KDM4B: variants seen among roughly 807,000 people sequenced by gnomAD.
The protein encoded by KDM4B is lysine demethylase 4B, also known as lysine-specific demethylase 4B.
Under a neutral mutation model 125.2 loss-of-function variants are expected in KDM4B, and 32 were observed. That is an observed-to-expected ratio of 0.26 (90% CI 0.19 to 0.34). The LOEUF is 0.34. KDM4B is among the 10% of genes least tolerant of loss of function. KDM4B has a pLI of 1.00. For missense variants in KDM4B, 1,190 were observed against 1,577.7 expected (o/e 0.75, Z 4.16); for synonymous variants, 721 against 677.9 (o/e 1.06, Z -0.99).
chr19:5,121,563 A>G (rs1157501336), intron 11 of KDM4B, among the ~76,000 whole-genome samples: 2 of 152,208 alleles, frequency 1.3e-5, no homozygotes, highest in African/African-American at 4.8e-5. Flanking sequence ...CTCGCAGCAA[A>G]CATGGCTCCC....
intron 22 of KDM4B, 64 bp from the exon 23 acceptor site, chr19:5,151,267 TAGAC>T: frequency 7.6e-7 from 1 of 1,310,588 alleles, no homozygotes; most frequent in East Asian, 3.0e-5. Context: ...TCAGAGGCCA[TAGAC>T]AGTGGCTGGG....
rs558885092 is a variant in KDM4B at position 5,042,722 on chromosome 19, G to A, written c.432+1471G>A. 6.6e-5 allele frequency among the ~76,000 whole-genome samples: 10 copies of A among 151,410 alleles called. No individual in the cohort carries two copies. In the South Asian group the frequency reaches 8.4e-4, roughly 13 times the overall value. ...AGGCTTTTCAACAGCCAGGTTTCGC[G>A]AGCACTCACTGCCCTGAGGACAGCA... On this transcript the variant is annotated intron_variant, in intron 5 of 22. Transcript: ENST00000159111.
intron 1 of KDM4B, among the ~76,000 whole-genome samples, chr19:5,006,687 T>TCA (rs1468186645): frequency 4.0e-5 from 6 of 151,832 alleles, no homozygotes; most frequent in Non-Finnish European, 7.4e-5. Context: ...GCGGGAGAAT[T>TCA]GCTTGAACCT....
rs1312731042 is a variant in KDM4B at position 5,035,110 on chromosome 19, T to C, written c.141+2079T>C. 1.3e-5 allele frequency among the ~76,000 whole-genome samples: 2 copies of C among 152,316 alleles called. No homozygotes were observed. Among genetic ancestry groups the C allele is most frequent in the East Asian group, 3.9e-4 (2 of 5,172 alleles). Reference sequence around the variant, plus strand: ...TGTCTTTAAAAGGCTTTGGTCCTCCTATCTCATCTCAGACCGTCTTCTCTG... The same window carrying C: ...TGTCTTTAAAAGGCTTTGGTCCTCCCATCTCATCTCAGACCGTCTTCTCTG... On this transcript the variant is annotated intron_variant, in intron 3 of 22. Coordinates refer to ENST00000159111, the MANE Select transcript of KDM4B (RefSeq NM_015015.3). The surrounding 1 kb of genome is among the most constrained non-coding windows in gnomAD (Gnocchi z 5.3).
chr19:5,041,182 A>G lies in KDM4B; in HGVS notation c.363A>G (p.Lys121=), dbSNP rs1195210916. 1 of 1,612,932 alleles carries G rather than the reference A, an allele frequency of 6.2e-7. No homozygotes were observed. The highest frequency in any genetic ancestry group is 1.3e-5 in the African/African-American group (1 of 74,878). The change falls in exon 5 of 23, where the codon AAA becomes AAG. Residue 121 remains lysine, a synonymous_variant. Coordinates refer to ENST00000159111, the MANE Select transcript of KDM4B (RefSeq NM_015015.3). Reference sequence around the variant, plus strand: ...AGGACTTTGATGACCTTGAACGCAAATACTGGAAGAACCTCACCTTTGTCT... The same window carrying G: ...AGGACTTTGATGACCTTGAACGCAAGTACTGGAAGAACCTCACCTTTGTCT... ...RHQDFDDLER[K]YWKNLTFVSP... is the part of the protein sequence containing the mutation.
intron 6 of KDM4B, among the ~76,000 whole-genome samples, chr19:5,057,545 A>G (rs988575216): frequency 2.0e-5 from 3 of 152,182 alleles, no homozygotes; most frequent in Admixed American, 2.0e-4. Context: ...AAGCCTTGCT[A>G]TCAGTAACTG....
chr19:5,062,123 G>A (rs1030178769), intron 6 of KDM4B, among the ~76,000 whole-genome samples: 22 of 152,152 alleles, frequency 1.4e-4, no homozygotes, highest in African/African-American at 2.7e-4. Flanking sequence ...CCCTCTGTCC[G>A]GTCCCCTGTA....
At chr19:5,145,005 G>A (rs2039816830) in intron 21 of KDM4B, 103 bp downstream of exon 21, 2 of 1,489,600 alleles carry the variant, frequency 1.3e-6, no homozygotes, top group South Asian at 1.2e-5. Flanking sequence ...TTTGCCTGGG[G>A]CACTGGCGGG....
Position 4,975,767 on chromosome 19 carries a change from A to G in KDM4B, c.-109+6537A>G, listed in dbSNP as rs1483423465. ...GCCACCACGCTCGACTAATTTTTGTATTTTTAGTAGAGATGGGATTGCGCC... is the reference window on the plus strand; with the variant it reads ...GCCACCACGCTCGACTAATTTTTGTGTTTTTAGTAGAGATGGGATTGCGCC... On this transcript the variant is annotated intron_variant, in intron 1 of 22. Coordinates refer to ENST00000159111, the MANE Select transcript of KDM4B (RefSeq NM_015015.3). 4.0e-5 allele frequency among the ~76,000 whole-genome samples: 6 copies of G among 151,194 alleles called. No homozygotes were observed. The East Asian group carries it at 1.2e-3, about 30-fold the overall frequency.
chr19:5,106,186 C>G (rs1384973488), intron 9 of KDM4B, among the ~76,000 whole-genome samples: 1 of 152,190 alleles, frequency 6.6e-6, no homozygotes. Flanking sequence ...CAGCGCACAC[C>G]TCCCTGTTGT....
Position 5,150,424 on chromosome 19 carries a change from C to T in KDM4B, c.3088C>T (p.Leu1030=). The T allele has an allele frequency of 6.4e-7, 1 of 1,551,052 alleles. No homozygotes were observed. Among genetic ancestry groups the T allele is most frequent in the South Asian group, 1.2e-5 (1 of 84,036 alleles). Reference sequence around the variant, plus strand: ...GGACATCTTCACCCTGGAGGAGGAGCTGCCCAAGAGGGTCCGCTCTCGGCT... The same window carrying T: ...GGACATCTTCACCCTGGAGGAGGAGTTGCCCAAGAGGGTCCGCTCTCGGCT... ...RGDIFTLEEE[L]PKRVRSRLSL... The change falls in exon 22 of 23, where the codon CTG becomes TTG. Residue 1030 remains leucine (L), a synonymous_variant. Coordinates refer to ENST00000159111, the MANE Select transcript of KDM4B (RefSeq NM_015015.3).
chr19:5,090,491 TCCCCCTCTCG>T (rs1406517200), intron 9 of KDM4B, among the ~76,000 whole-genome samples: 5 of 40,948 alleles, frequency 1.2e-4, no homozygotes, highest in Non-Finnish European at 2.4e-4. Flanking sequence ...TCTCTTTCTC[TCCCCCTCTCG>T]CCCCCTCTCT....
chr19:5,086,651 C>G (rs138098468), intron 9 of KDM4B, among the ~76,000 whole-genome samples: 22 of 152,330 alleles, frequency 1.4e-4, no homozygotes, highest in Middle Eastern at 6.8e-3. Context: ...CTCCTCCCCC[C>G]CCCAGCCCCC....
intron 6 of KDM4B, among the ~76,000 whole-genome samples, chr19:5,049,475 C>T (rs576065081): frequency 4.3e-4 from 66 of 152,094 alleles, no homozygotes; most frequent in African/African-American, 1.6e-3. Context: ...TTGGTTTTTG[C>T]CCAGGAAGGG....
Position 5,035,869 on chromosome 19 carries a change from G to GTA in KDM4B, c.141+2839_141+2840insAT, listed in dbSNP as rs1292606601. On this transcript the variant is annotated intron_variant, in intron 3 of 22. Transcript: ENST00000159111. This position sits in a 1 kb window ranked among gnomAD's most constrained non-coding sequence, Gnocchi z 5.3. ...GCTGTGTGTGCACGTGTCTCTGTGT[G>GTA]TGTGTGTGTGTGCGCGCGCGCGCGC... Among the ~76,000 whole-genome samples the GTA allele has an allele frequency of 2.3e-5, 2 of 86,774 alleles. No individual in the cohort carries two copies. Among genetic ancestry groups the GTA allele is most frequent in the African/African-American group, 6.7e-5 (2 of 29,776 alleles). The allele number at this position is 86,774 out of a possible 152,430, so 56.9% of individuals were successfully genotyped here. A position where few individuals can be genotyped will look rare whatever the true frequency, so the allele number is the denominator to read the frequency against.
chr19:5,085,791 G>A (rs556329934), intron 9 of KDM4B, among the ~76,000 whole-genome samples: 13 of 152,350 alleles, frequency 8.5e-5, no homozygotes, highest in Admixed American at 8.5e-4. Flanking sequence ...CGTCGGGGGG[G>A]TCGGTGGCTC....
In KDM4B at chr19:5,132,151, C is replaced by T. The variant is rs1599249074; in HGVS notation, c.1906+144C>T. The T allele has an allele frequency of 1.9e-5, 20 of 1,070,158 alleles. No homozygotes were observed. The East Asian group carries it at 5.3e-4, about 28-fold the overall frequency. The allele number at this position is 1,070,158 out of a possible 1,614,324, so 66.3% of individuals were successfully genotyped here. ...GAACCCAGGCCTTTCTGTGGCTCTG[C>T]CGTAGCGACAGGCTGTCACTGGGGC... On this transcript the variant is annotated intron_variant, in intron 13 of 22. Coordinates refer to ENST00000159111, the MANE Select transcript of KDM4B (RefSeq NM_015015.3).
chr19:5,137,690 C>A lies in KDM4B; in HGVS notation c.2441+14C>A. On this transcript the variant is annotated intron_variant, in intron 17 of 22. Transcript: ENST00000159111. Reference sequence around the variant, plus strand: ...CACCGATAGGAGGTGGGTGGCACCGCGCGTTGGGGCTGGAGGGCCGGAGGG... The same window carrying A: ...CACCGATAGGAGGTGGGTGGCACCGAGCGTTGGGGCTGGAGGGCCGGAGGG... 1.3e-6 allele frequency: 2 copies of A among 1,571,256 alleles called. No individual in the cohort carries two copies. The highest frequency in any genetic ancestry group is 1.7e-6 in the Non-Finnish European group (2 of 1,161,468).
At chr19:5,003,989 G>A (rs1308573357) in intron 1 of KDM4B, among the ~76,000 whole-genome samples, 2 of 152,144 alleles carry the variant, frequency 1.3e-5, no homozygotes, top group African/African-American at 2.4e-5. Flanking sequence ...CTGCCTGGGT[G>A]CGTCTGGCTC....
Sources: allele counts gnomAD v4.1 joint callset (sites outside exome capture counted in the v4.1 genomes callset), GRCh38; gene constraint gnomAD v4.1.1; non-coding constraint Gnocchi (gnomAD v3.1); transcripts MANE v1.5; gene names NCBI Gene and HGNC (gene_info 2026-07-23, HGNC 2026-07-21).